Variants in OBSL1 observed in about 807,000 individuals in gnomAD.
OBSL1 encodes obscurin like cytoskeletal adaptor 1.
OBSL1 carries 160 observed loss-of-function variants against 172.0 expected under a neutral mutation model. The ratio of observed to expected loss-of-function variants is 0.93; its 90% confidence interval spans 0.82 to 1.06. The LOEUF (loss-of-function observed/expected upper bound fraction) is 1.06, where lower values mean the gene tolerates loss of function less well. Among genes scored for constraint, OBSL1 ranks in the 50% least tolerant of loss-of-function variants. OBSL1 has a pLI of 0.00. For synonymous variants in OBSL1, 1,200 were observed against 1,196.3 expected (o/e 1.00, Z -0.06); for missense variants, 2,681 against 2,715.4 (o/e 0.99, Z 0.28).
At chr2:219,558,597 T>A (rs1696220234) in intron 9 of OBSL1, 138 bp from the exon 10 acceptor site, 4 of 1,060,436 alleles carry the variant, frequency 3.8e-6, no homozygotes, top group Non-Finnish European at 4.0e-6. Context: ...GAGCAGCTGC[T>A]GTGTGCCAGG....
chr2:219,550,537 AC>A, downstream of OBSL1: 1 of 447,866 alleles, frequency 2.2e-6, no homozygotes, highest in Non-Finnish European at 4.1e-6. Context: ...TGTCTCCCCC[AC>A]CCCACTCTGT....
chr2:219,559,195 C>A, intron 9 of OBSL1, 30 bp downstream of exon 9: 2 of 1,567,298 alleles, frequency 1.3e-6, no homozygotes, highest in South Asian at 2.4e-5. Context: ...TACCTCTCTA[C>A]CTCCTCTCTG....
Position 219,554,757 on chromosome 2 carries a change from G to C in OBSL1, c.4610-17C>G. 3.3e-6 allele frequency: 5 copies of C among 1,528,342 alleles called. No homozygotes were observed. The highest frequency in any genetic ancestry group is 4.4e-6 in the Non-Finnish European group (5 of 1,132,994). 94.7% of individuals were successfully genotyped at this position (1,528,342 alleles called of 1,614,324 possible). A position where few individuals can be genotyped will look rare whatever the true frequency, so the allele number is the denominator to read the frequency against. Reference sequence around the variant, plus strand: ...GCTGCCTCGCTGGCCGGGGGAGATGGAGAGAGGGAGGATGAGGCCTCCAGC... The same window carrying C: ...GCTGCCTCGCTGGCCGGGGGAGATGCAGAGAGGGAGGATGAGGCCTCCAGC... On this transcript the variant is annotated splice_polypyrimidine_tract_variant and intron_variant, in intron 14 of 20. Transcript: ENST00000404537.
downstream of OBSL1, chr2:219,548,959 A>C: frequency 1.6e-6 from 1 of 615,840 alleles, no homozygotes. Context: ...AGACCTATGG[A>C]AGAAAAGAAC....
At chr2:219,570,116 TCTC>T (rs1697225331) in intron 1 of OBSL1, 102 bp downstream of exon 1, 1 of 1,018,392 alleles carries the variant, frequency 9.8e-7, no homozygotes, top group Admixed American at 3.1e-5. Context: ...GCGGACCACC[TCTC>T]CTCCAGTCTT....
downstream of OBSL1, chr2:219,549,265 C>T (rs758782842): frequency 6.9e-5 from 111 of 1,613,840 alleles, no homozygotes; most frequent in Non-Finnish European, 8.1e-5. Flanking sequence ...CAGAGGTCCC[C>T]GGGCTCCTCC....
At chr2:219,559,100 C>T in intron 9 of OBSL1, 125 bp downstream of exon 9, 1 of 967,720 alleles carries the variant, frequency 1.0e-6, no homozygotes, top group South Asian at 1.7e-5. Context: ...ATTCTGATGG[C>T]CAAACATGAG....
At chr2:219,564,485 A>T (rs73089116) in intron 6 of OBSL1, among the ~76,000 whole-genome samples, 1 of 152,348 alleles carries the variant, frequency 6.6e-6, no homozygotes, top group African/African-American at 2.4e-5. Context: ...GATTAAATGA[A>T]AGAGTGTATA....
chr2:219,553,871 G>A (rs1444435927), intron 15 of OBSL1, among the ~76,000 whole-genome samples, 185 bp from the exon 16 acceptor site: 3 of 152,048 alleles, frequency 2.0e-5, no homozygotes, highest in African/African-American at 7.2e-5. Context: ...TAGGTGGGCA[G>A]GGCCACAGGG....
rs113630362 is a variant in OBSL1, at chr2:219,558,992, C to T, written c.3226+233G>A. On this transcript the variant is annotated intron_variant, in intron 9 of 20. Transcript: ENST00000404537. ...CAGTGCCAAGCACATAGTAGTTGCTCAATGAGTATTGAACGAATGGATGAA... is the reference window on the plus strand; with the variant it reads ...CAGTGCCAAGCACATAGTAGTTGCTTAATGAGTATTGAACGAATGGATGAA... The T allele has an allele frequency of 3.0e-3, 1,599 of 533,364 alleles. 23 individuals carry two copies. The highest frequency in any genetic ancestry group is 0.026 in the African/African-American group (1,384 of 53,288). 33.0% of individuals were successfully genotyped at this position (533,364 alleles called of 1,614,324 possible). A position where few individuals can be genotyped will look rare whatever the true frequency, so the allele number is the denominator to read the frequency against.
chr2:219,553,439 T>C, intron 16 of OBSL1, 135 bp downstream of exon 16: 3 of 721,948 alleles, frequency 4.2e-6, no homozygotes, highest in Non-Finnish European at 7.4e-6. Context: ...GTCCTTGGAG[T>C]AAGGGATTAA....
At chr2:219,556,748 G>A in intron 12 of OBSL1, 25 bp from the exon 13 acceptor site, 2 of 1,567,674 alleles carry the variant, frequency 1.3e-6, no homozygotes, top group South Asian at 2.3e-5. Context: ...AAGGCAGTGA[G>A]CTGGGCTGAG....
chr2:219,554,642 C>G lies in OBSL1; in HGVS notation c.4708G>C (p.Gly1570Arg). The G allele has an allele frequency of 6.2e-7, 1 of 1,610,222 alleles. No homozygotes were observed. The highest frequency in any genetic ancestry group is 8.5e-7 in the Non-Finnish European group (1 of 1,178,384). The stretch of plus-strand genomic sequence containing the variant: ...TGTACTCCACCCCGGGCCCACTCCC[C>G]GGTCACACCTTCCTGGGACAGCTCC... ...QLELSQEGVTGEWARGGVQLY... is the reference protein window; with the variant it reads ...QLELSQEGVTREWARGGVQLY... The change falls in exon 15 of 21, where the codon GGG (glycine) becomes CGG (arginine). Residue 1570 changes from glycine to arginine, a missense_variant. Coordinates refer to ENST00000404537, the MANE Select transcript of OBSL1 (RefSeq NM_015311.3).
At chr2:219,557,230 C>G in intron 12 of OBSL1, 113 bp downstream of exon 12, 1 of 1,076,404 alleles carries the variant, frequency 9.3e-7, no homozygotes, top group Non-Finnish European at 1.3e-6. Context: ...CATGCACGCA[C>G]TGGTTGGAGC....
At position 219,567,281 on chromosome 2, in the gene OBSL1, G is replaced by A; in HGVS notation, c.1829C>T (p.Ala610Val). 6.3e-7 allele frequency: 1 copy of A among 1,594,190 alleles called. No homozygotes were observed. Among genetic ancestry groups the A allele is most frequent in the African/African-American group, 1.3e-5 (1 of 74,714 alleles). Residue 610 changes from alanine to valine, a missense_variant, in exon 4 of 21, where the codon GCT (alanine) becomes GTT (valine). Coordinates refer to ENST00000404537, the MANE Select transcript of OBSL1 (RefSeq NM_015311.3). ...RSPHVVFHGS[A>V]HLVPTARLVA... ...TGGCAGGACCAACTCACCAAGGTGA[G>A]CAGAACCGTGGAACACCACGTGGGG... is the stretch of plus-strand genomic sequence containing the variant.
At chr2:219,552,797 G>A in intron 17 of OBSL1, 71 bp downstream of exon 17, 2 of 1,525,380 alleles carry the variant, frequency 1.3e-6, no homozygotes, top group Non-Finnish European at 1.8e-6. Context: ...GGTCATCAGG[G>A]TCCGGGGAAG....
Position 219,552,230 on chromosome 2 carries a change from G to C in OBSL1, c.5309-14C>G. On this transcript the variant is annotated splice_polypyrimidine_tract_variant and intron_variant, in intron 18 of 20. Transcript: ENST00000404537. The stretch of plus-strand genomic sequence containing the variant: ...TGTGTTTCTTCCCTGGGGGTGAGGG[G>C]GTCGCTAGCGAGGCCGGAGCCACCT... 1 of 1,580,898 alleles carries C rather than the reference G, an allele frequency of 6.3e-7. No individual in the cohort carries two copies. Among genetic ancestry groups the C allele is most frequent in the South Asian group, 1.2e-5 (1 of 86,882 alleles).
rs1559137896 is a variant in OBSL1, at chr2:219,556,539, G to A, written c.4251C>T (p.Thr1417=). 1 of 1,613,988 alleles carries A rather than the reference G, an allele frequency of 6.2e-7. No homozygotes were observed. The highest frequency in any genetic ancestry group is 8.5e-7 in the Non-Finnish European group (1 of 1,179,896). The stretch of plus-strand genomic sequence containing the variant: ...CATCCCCCAGTTGGCAGCCTCGCAA[G>A]GTTAAGATGCGGCTTGAACCATTCT... ...MAQNGSSRIL[T]LRGCQLGDAG... is the part of the protein sequence containing the mutation. Residue 1417 remains threonine, a synonymous_variant, in exon 13 of 21, where the codon ACC becomes ACT. Transcript: ENST00000404537.
At chr2:219,553,714 A>C in intron 15 of OBSL1, 28 bp from the exon 16 acceptor site, 1 of 1,542,170 alleles carries the variant, frequency 6.5e-7, no homozygotes, top group Admixed American at 1.7e-5. Context: ...AGGACAGTGC[A>C]GAGGGAGCAG....
Sources: gnomAD v4.1 joint callset for allele counts (sites outside exome capture counted in the v4.1 genomes callset) on GRCh38, gnomAD v4.1.1 for gene constraint, MANE v1.5 for transcripts, NCBI Gene and HGNC (gene_info 2026-07-23, HGNC 2026-07-21) for gene names.